Variants in CNOT1 observed in about 807,000 individuals in gnomAD.
CNOT1 encodes CCR4-associated factor 1.
Under a neutral mutation model 273.8 loss-of-function variants are expected in CNOT1, and 15 were observed. The observed-to-expected ratio is 0.05, with a 90% CI of 0.04 to 0.08. The LOEUF (loss-of-function observed/expected upper bound fraction) is 0.08. Ranked by LOEUF, CNOT1 falls within the 10% of genes least tolerant of loss-of-function variation. CNOT1 has a pLI of 1.00. For missense variants in CNOT1, 1,644 were observed against 2,912.2 expected (o/e 0.56, Z 10.02); for synonymous variants, 1,022 against 1,005.5 (o/e 1.02, Z -0.31).
chr16:58,596,960 G>T (rs1014840486), intron 2 of CNOT1, among the ~76,000 whole-genome samples: 2 of 150,556 alleles, frequency 1.3e-5, no homozygotes, highest in Middle Eastern at 3.5e-3. Flanking sequence ...AGGACACAAG[G>T]GTCCTGACAG....
Position 58,523,367 on chromosome 16 carries a change from T to C in CNOT1, c.6917+3A>G. 6.4e-7 allele frequency: 1 copy of C among 1,573,656 alleles called. No homozygotes were observed. The highest frequency in any genetic ancestry group is 8.6e-7 in the Non-Finnish European group (1 of 1,159,254). On this transcript the variant is annotated splice_donor_region_variant and intron_variant, in intron 47 of 48. Transcript: ENST00000317147. ...GCATTTAAAAAATAAGCTGCTCGCT[T>C]ACCTTGTGATCTGTTCTTGGATGGC...
At chr16:58,542,102 C>CA in intron 33 of CNOT1, 129 bp downstream of exon 33, 1 of 1,146,040 alleles carries the variant, frequency 8.7e-7, no homozygotes, top group South Asian at 1.6e-5. Flanking sequence ...GAAATGCTAT[C>CA]AAGTTAAGAT....
At chr16:58,565,381 C>A (rs745366393) in intron 16 of CNOT1, among the ~76,000 whole-genome samples, 3 of 152,174 alleles carry the variant, frequency 2.0e-5, no homozygotes, top group Non-Finnish European at 4.4e-5. Flanking sequence ...TCCTAAAGTG[C>A]TGGAGTTACA....
At chr16:58,602,553 C>CAAAA (rs60230860) in intron 1 of CNOT1, among the ~76,000 whole-genome samples, 4,567 of 56,590 alleles carry the variant, frequency 0.081, 295 homozygotes, top group South Asian at 0.18. Context: ...ACTCTGTCTC[C>CAAAA]AAAAAAAAAA....
chr16:58,586,110 A>AT (rs2041826576), intron 7 of CNOT1, among the ~76,000 whole-genome samples: 1 of 148,280 alleles, frequency 6.7e-6, no homozygotes, highest in African/African-American at 2.5e-5. Flanking sequence ...AAAGTGACCG[A>AT]TTTTTTAAGC....
chr16:58,534,453 T>C (rs1288522973), intron 39 of CNOT1, 58 bp from the exon 40 acceptor site: 1 of 1,567,648 alleles, frequency 6.4e-7, no homozygotes, highest in East Asian at 2.3e-5. Flanking sequence ...ATAAACTTCA[T>C]ATACCTTTAA....
At chr16:58,603,442 TGTGTGTG>T (rs2042552952) in intron 1 of CNOT1, among the ~76,000 whole-genome samples, 1 of 90,624 alleles carries the variant, frequency 1.1e-5, no homozygotes, top group African/African-American at 5.5e-5. Context: ...TGTGTGTGTG[TGTGTGTG>T]TGTGTGTGTG....
chr16:58,591,856 CA>C (rs1384746132), intron 2 of CNOT1, among the ~76,000 whole-genome samples: 1 of 151,740 alleles, frequency 6.6e-6, no homozygotes, highest in Non-Finnish European at 1.5e-5. Context: ...TTCTTTAGGT[CA>C]AATAGTGCCT....
chr16:58,617,885 T>C (rs2043150185), intron 1 of CNOT1, among the ~76,000 whole-genome samples: 1 of 152,194 alleles, frequency 6.6e-6, no homozygotes. Context: ...ACTGTGTGCC[T>C]ATAGTCTTAG....
chr16:58,590,803 T>A (rs574793883), intron 2 of CNOT1, among the ~76,000 whole-genome samples: 1 of 152,180 alleles, frequency 6.6e-6, no homozygotes, highest in Non-Finnish European at 1.5e-5. Context: ...GAATTAACTA[T>A]GATCCAATTA....
chr16:58,534,436 C>A (rs2039865581), intron 39 of CNOT1, 41 bp from the exon 40 acceptor site: 1 of 1,600,334 alleles, frequency 6.2e-7, no homozygotes, highest in Admixed American at 1.7e-5. Flanking sequence ...TGAGGTAACA[C>A]ACACAAATAA....
At chr16:58,583,436 T>C (rs369580443) in intron 8 of CNOT1, among the ~76,000 whole-genome samples, 34 of 152,204 alleles carry the variant, frequency 2.2e-4, no homozygotes, top group African/African-American at 8.2e-4. Flanking sequence ...TCTCACTTGT[T>C]AGATGGGAGA....
intron 1 of CNOT1, among the ~76,000 whole-genome samples, chr16:58,605,145 AC>A (rs2042626741): frequency 6.6e-6 from 1 of 150,744 alleles, no homozygotes; most frequent in Non-Finnish European, 1.5e-5. Context: ...CAAAACAAAA[AC>A]AAAAACAAAC....
intron 46 of CNOT1, among the ~76,000 whole-genome samples, chr16:58,524,615 AATAT>A (rs2039523992): frequency 6.6e-6 from 1 of 152,118 alleles, no homozygotes; most frequent in Non-Finnish European, 1.5e-5. Context: ...GTCCCCCTAA[AATAT>A]ATGTATGCAA....
Position 58,538,296 on chromosome 16 carries a change from T to C in CNOT1, c.5136-30A>G, listed in dbSNP as rs76062938. The C allele has an allele frequency of 3.9e-3, 3,605 of 917,298 alleles. 76 individuals are homozygous for C. The African/African-American group carries it at 0.052, about 13-fold the overall frequency. The allele number at this position is 917,298 out of a possible 1,614,324, so 56.8% of individuals were successfully genotyped here. A position where few individuals can be genotyped will look rare whatever the true frequency, so the allele number is the denominator to read the frequency against. On this transcript the variant is annotated intron_variant, in intron 36 of 48. Transcript: ENST00000317147. ...AAAAAGTTCAATATCTTTACTCATA[T>C]AGGCTTAACCATACTGTAAAAGGGC... is the stretch of plus-strand genomic sequence containing the variant.
At chr16:58,594,488 C>G (rs1387993056) in intron 2 of CNOT1, among the ~76,000 whole-genome samples, 3 of 152,006 alleles carry the variant, frequency 2.0e-5, no homozygotes, top group Non-Finnish European at 4.4e-5. Context: ...ATCTGAAAAA[C>G]TACCAAATTA....
chr16:58,601,224 G>T (rs2042449661), intron 1 of CNOT1, among the ~76,000 whole-genome samples: 1 of 152,170 alleles, frequency 6.6e-6, no homozygotes, highest in African/African-American at 2.4e-5. Context: ...CCAAAATGCT[G>T]GGATTACAAG....
At chr16:58,536,318 T>C (rs150873090) in intron 39 of CNOT1, among the ~76,000 whole-genome samples, 17 of 152,330 alleles carry the variant, frequency 1.1e-4, no homozygotes, top group African/African-American at 3.8e-4. Context: ...CATGGACTTA[T>C]TGTGTCTGAT....
chr16:58,618,008 T>C (rs2043155896), intron 1 of CNOT1, among the ~76,000 whole-genome samples: 1 of 152,086 alleles, frequency 6.6e-6, no homozygotes, highest in African/African-American at 2.4e-5. Context: ...CCTGCCTCTA[T>C]AAAATTAAAG....
Sources: gnomAD v4.1 joint callset for allele counts (sites outside exome capture counted in the v4.1 genomes callset) on GRCh38, gnomAD v4.1.1 for gene constraint, MANE v1.5 for transcripts, NCBI Gene and HGNC (gene_info 2026-07-23, HGNC 2026-07-21) for gene names.